SMYD3: variants seen among roughly 807,000 people sequenced by gnomAD.
SMYD3 encodes the protein histone-lysine N-methyltransferase SMYD3.
In SMYD3, 36 loss-of-function variants were observed where a neutral mutation model predicts 57.7. The observed-to-expected ratio is 0.62, with a 90% CI of 0.48 to 0.82. The LOEUF is 0.82. Among genes scored for constraint, SMYD3 ranks in the 40% least tolerant of loss-of-function variants. The pLI is 0.00. For missense variants in SMYD3, 515 were observed against 538.8 expected (o/e 0.96, Z 0.44); for synonymous variants, 211 against 195.0 (o/e 1.08, Z -0.68).
intron 5 of SMYD3, among the ~76,000 whole-genome samples, chr1:246,125,079 A>ACAC (rs1206513856): frequency 2.8e-5 from 3 of 108,208 alleles, no homozygotes; most frequent in East Asian, 2.0e-4. Flanking sequence ...CTCAAAAAAA[A>ACAC]AAAAAAAAAC....
chr1:246,040,290 G>A (rs1365671318), intron 5 of SMYD3, among the ~76,000 whole-genome samples: 2 of 152,100 alleles, frequency 1.3e-5, no homozygotes, highest in African/African-American at 4.8e-5. Flanking sequence ...AACATGACCC[G>A]GATTCAAGCT....
intron 5 of SMYD3, among the ~76,000 whole-genome samples, chr1:246,090,190 G>T (rs1457384704): frequency 6.6e-6 from 1 of 152,092 alleles, no homozygotes; most frequent in African/African-American, 2.4e-5. Flanking sequence ...CAAAAGAAAA[G>T]ATACAGAAAA....
intron 10 of SMYD3, among the ~76,000 whole-genome samples, chr1:245,843,228 C>T (rs926261245): frequency 1.3e-5 from 2 of 152,112 alleles, no homozygotes; most frequent in Non-Finnish European, 2.9e-5. Context: ...GGATCACACA[C>T]TTACGAGCCC....
At chr1:246,396,478 A>G (rs2066674912) in intron 1 of SMYD3, among the ~76,000 whole-genome samples, 1 of 152,218 alleles carries the variant, frequency 6.6e-6, no homozygotes, top group African/African-American at 2.4e-5. Context: ...TACATCATCA[A>G]CGCACACTGG....
intron 8 of SMYD3, among the ~76,000 whole-genome samples, chr1:245,870,181 A>G (rs1359821267): frequency 6.6e-6 from 1 of 152,202 alleles, no homozygotes; most frequent in African/African-American, 2.4e-5. Context: ...ACCACAACAA[A>G]GAGAATCCCA....
chr1:245,907,523 A>C (rs2054654822), intron 8 of SMYD3, among the ~76,000 whole-genome samples: 1 of 152,214 alleles, frequency 6.6e-6, no homozygotes, highest in African/African-American at 2.4e-5. Context: ...ATGAAAACAC[A>C]CCAAAGTAGA....
At chr1:246,041,543 T>G (rs534644984) in intron 5 of SMYD3, among the ~76,000 whole-genome samples, 5 of 152,358 alleles carry the variant, frequency 3.3e-5, no homozygotes, top group African/African-American at 9.6e-5. Flanking sequence ...CCTGGGCATG[T>G]ATCCCAGTGT....
intron 5 of SMYD3, among the ~76,000 whole-genome samples, chr1:246,291,397 C>T (rs1212477078): frequency 6.6e-6 from 1 of 152,210 alleles, no homozygotes; most frequent in Non-Finnish European, 1.5e-5. Context: ...ATGGAGACCA[C>T]GAGGCACCTA....
intron 5 of SMYD3, among the ~76,000 whole-genome samples, chr1:246,227,095 T>G (rs2063341409): frequency 6.6e-6 from 1 of 152,220 alleles, no homozygotes; most frequent in African/African-American, 2.4e-5. Context: ...ATGAAGAATA[T>G]TAACCAAGTC....
chr1:246,377,083 G>A (rs1572437476), intron 1 of SMYD3, among the ~76,000 whole-genome samples: 1 of 152,034 alleles, frequency 6.6e-6, no homozygotes, highest in Non-Finnish European at 1.5e-5. Context: ...CTGGGCGACA[G>A]AGGCTTTGTC....
chr1:246,346,627 C>T (rs989239070), intron 2 of SMYD3, among the ~76,000 whole-genome samples: 13 of 152,050 alleles, frequency 8.5e-5, no homozygotes, highest in South Asian at 2.1e-4. Flanking sequence ...TAAAACCATC[C>T]AATCTTGTGA....
At chr1:246,283,371 TC>T (rs550952077) in intron 5 of SMYD3, among the ~76,000 whole-genome samples, 189 of 152,224 alleles carry the variant, frequency 1.2e-3, no homozygotes, top group Non-Finnish European at 1.6e-4. Flanking sequence ...CTTTGCTACA[TC>T]CCTCCCAAAG....
chr1:245,772,542 G>A (rs910766474), intron 10 of SMYD3, among the ~76,000 whole-genome samples: 1 of 152,098 alleles, frequency 6.6e-6, no homozygotes, highest in African/African-American at 2.4e-5. Context: ...GCACAGCTGT[G>A]GTCCCAGCTG....
At chr1:246,485,213 A>G (rs1435114729) in intron 1 of SMYD3, among the ~76,000 whole-genome samples, 2 of 152,010 alleles carry the variant, frequency 1.3e-5, no homozygotes, top group African/African-American at 2.4e-5. Context: ...CAAAATACCT[A>G]AACTATTGCA....
chr1:246,355,335 C>A lies in SMYD3; in HGVS notation c.165-241G>T. 2 of 492,350 alleles carry A rather than the reference C, an allele frequency of 4.1e-6. No homozygotes were observed. Among genetic ancestry groups the A allele is most frequent in the South Asian group, 2.3e-5 (1 of 43,776 alleles). The allele number at this position is 492,350 out of a possible 1,614,324, so 30.5% of individuals were successfully genotyped here. A position where few individuals can be genotyped will look rare whatever the true frequency, so the allele number is the denominator to read the frequency against. On this transcript the variant is annotated intron_variant, in intron 1 of 11. Coordinates refer to ENST00000490107, the MANE Select transcript of SMYD3 (RefSeq NM_001167740.2). The surrounding 1 kb of genome is among the most constrained non-coding windows in gnomAD (Gnocchi z 5.0). ...GAAGATGGCGGGGAAGAGGCAGGAC[C>A]AGCTTGCAGCTCCCGATCGGACAGA...
intron 5 of SMYD3, among the ~76,000 whole-genome samples, chr1:245,989,812 C>T (rs2058780998): frequency 3.9e-5 from 6 of 152,190 alleles, no homozygotes; most frequent in Admixed American, 3.9e-4. Flanking sequence ...ATTAAACTTA[C>T]TCAGAGCTTA....
At chr1:246,396,213 C>T (rs2066669528) in intron 1 of SMYD3, among the ~76,000 whole-genome samples, 1 of 152,168 alleles carries the variant, frequency 6.6e-6, no homozygotes, top group East Asian at 1.9e-4. Context: ...AATAAATTAG[C>T]TTTTGCAAAT....
At chr1:246,041,587 T>A (rs962971160) in intron 5 of SMYD3, among the ~76,000 whole-genome samples, 3 of 152,122 alleles carry the variant, frequency 2.0e-5, no homozygotes, top group African/African-American at 7.2e-5. Context: ...ACACGATAAG[T>A]CCAAGACCTG....
chr1:245,954,420 T>TCTTAGCA lies in SMYD3; in HGVS notation c.532-24490_532-24484dup, dbSNP rs2057764872. 2.0e-5 allele frequency among the ~76,000 whole-genome samples: 3 copies of TCTTAGCA among 152,276 alleles called. No individual in the cohort carries two copies. The South Asian group carries it at 6.2e-4, about 32-fold the overall frequency. ...GGTGTGGTGGCTCACACACCTGTAATCTTAGCACTTTGGGAGACTGAGGCG... is the reference window on the plus strand; with the variant it reads ...GGTGTGGTGGCTCACACACCTGTAATCTTAGCACTTAGCACTTTGGGAGACTGAGGCG... On this transcript the variant is annotated intron_variant, in intron 5 of 11. Transcript: ENST00000490107.
Sources: allele counts gnomAD v4.1 joint callset (sites outside exome capture counted in the v4.1 genomes callset), GRCh38; gene constraint gnomAD v4.1.1; non-coding constraint Gnocchi (gnomAD v3.1); transcripts MANE v1.5; gene names NCBI Gene and HGNC (gene_info 2026-07-23, HGNC 2026-07-21).